Variants in GPC6 observed in about 807,000 individuals in gnomAD.
GPC6 encodes the protein glypican-6.
Under a neutral mutation model 55.2 loss-of-function variants are expected in GPC6, and 14 were observed. That is an observed-to-expected ratio of 0.25 (90% CI 0.17 to 0.40). The LOEUF is 0.40. Ranked by LOEUF, GPC6 falls within the 10% of genes least tolerant of loss-of-function variation. The pLI is 1.00. For missense variants in GPC6, 641 were observed against 708.5 expected, an observed-to-expected ratio of 0.90 and a Z score of 1.08; for synonymous variants, 278 against 259.6, an observed-to-expected ratio of 1.07 and a Z score of -0.68.
At chr13:93,246,100 C>T (rs2139021670) in intron 1 of GPC6, among the ~76,000 whole-genome samples, 1 of 152,302 alleles carries the variant, frequency 6.6e-6, no homozygotes, top group East Asian at 1.9e-4. Flanking sequence ...CCAACCTCCT[C>T]CTTGAGCTGT....
At chr13:94,011,827 T>C (rs906198959) in intron 3 of GPC6, among the ~76,000 whole-genome samples, 3 of 152,168 alleles carry the variant, frequency 2.0e-5, no homozygotes, top group African/African-American at 7.2e-5. Context: ...CTGCTGTGGA[T>C]CTTGCTCCCT....
intron 1 of GPC6, among the ~76,000 whole-genome samples, chr13:93,345,344 A>T (rs1267142363): frequency 2.0e-5 from 3 of 152,126 alleles, no homozygotes; most frequent in South Asian, 4.1e-4. Context: ...CCTGGCATGT[A>T]TACTTGTTAC....
At chr13:93,853,173 A>G (rs1239596337) in intron 3 of GPC6, among the ~76,000 whole-genome samples, 1 of 151,634 alleles carries the variant, frequency 6.6e-6, no homozygotes, top group Non-Finnish European at 1.5e-5. Context: ...GGTGGGGATA[A>G]TTTTAAAAAT....
intron 6 of GPC6, among the ~76,000 whole-genome samples, chr13:94,340,077 C>A (rs1877953788): frequency 6.6e-6 from 1 of 152,040 alleles, no homozygotes; most frequent in Admixed American, 6.6e-5. Flanking sequence ...TCTAAGTTTG[C>A]TTAAAGATAT....
chr13:93,765,833 A>T, intron 2 of GPC6, among the ~76,000 whole-genome samples: 1 of 152,268 alleles, frequency 6.6e-6, no homozygotes, highest in East Asian at 1.9e-4. Context: ...CTCCAAGAAT[A>T]ACATGGAGCT....
intron 2 of GPC6, among the ~76,000 whole-genome samples, chr13:93,712,296 G>T (rs559678563): frequency 6.6e-6 from 1 of 151,834 alleles, no homozygotes; most frequent in African/African-American, 2.4e-5. Flanking sequence ...GAGAAGATAT[G>T]TCCTTTCAGA....
At position 94,354,904 on chromosome 13, in the gene GPC6, T is replaced by C. The variant is rs539430511; in HGVS notation, c.1153-27510T>C. Among the ~76,000 whole-genome samples the C allele has an allele frequency of 2.0e-3, 299 of 152,272 alleles. 3 individuals carry two copies. Among genetic ancestry groups the C allele is most frequent in the African/African-American group, 6.9e-3 (288 of 41,554 alleles). On this transcript the variant is annotated intron_variant, in intron 6 of 8. Transcript: ENST00000377047. ...ATCATGATGAAGACAAGGATGGAAG[T>C]GGAGAGAGAATTTTAAAACCAGGAG...
rs113099421 is a variant in GPC6, at chr13:93,375,639, C to T, written c.160+148023C>T. Among the ~76,000 whole-genome samples, 526 of 152,336 alleles carry T rather than the reference C, an allele frequency of 3.5e-3. 4 individuals carry two copies. Among genetic ancestry groups the T allele is most frequent in the African/African-American group, 0.012 (507 of 41,580 alleles). On this transcript the variant is annotated intron_variant, in intron 1 of 8. Coordinates refer to ENST00000377047, the MANE Select transcript of GPC6 (RefSeq NM_005708.5). ...ATGGTAGCAACTTCAGAGGGCCCTT[C>T]GCCCAGTGGCCATTCTGGCTGGACA...
intron 5 of GPC6, among the ~76,000 whole-genome samples, chr13:94,303,531 T>C (rs936336670): frequency 6.6e-6 from 1 of 152,148 alleles, no homozygotes; most frequent in Non-Finnish European, 1.5e-5. Flanking sequence ...GATCTCTGTT[T>C]AGGGGCTTTC....
intron 2 of GPC6, among the ~76,000 whole-genome samples, chr13:93,671,082 A>G (rs1881338981): frequency 6.6e-6 from 1 of 152,184 alleles, no homozygotes; most frequent in African/African-American, 2.4e-5. Context: ...TACCTACAGC[A>G]GCATTTGCCA....
At chr13:93,963,422 G>A (rs1019683680) in intron 3 of GPC6, among the ~76,000 whole-genome samples, 1 of 152,200 alleles carries the variant, frequency 6.6e-6, no homozygotes, top group African/African-American at 2.4e-5. Context: ...CAGAGGTGAT[G>A]CAAACATCTT....
chr13:94,069,657 G>A lies in GPC6; in HGVS notation c.877+41763G>A, dbSNP rs142726722. Reference sequence around the variant, plus strand: ...CTTAGATATTTCTTCTGCCAGATACGCTAAGTCTTCTCTCTCAAGTTCAAA... The same window carrying A: ...CTTAGATATTTCTTCTGCCAGATACACTAAGTCTTCTCTCTCAAGTTCAAA... On this transcript the variant is annotated intron_variant, in intron 4 of 8. Transcript: ENST00000377047. Among the ~76,000 whole-genome samples, 143 of 152,170 alleles carry A rather than the reference G, an allele frequency of 9.4e-4. 1 individual carries two copies. The highest frequency in any genetic ancestry group is 3.0e-3 in the African/African-American group (124 of 41,512).
intron 2 of GPC6, among the ~76,000 whole-genome samples, chr13:93,774,512 CTAATGACACACT>C (rs966167772): frequency 6.6e-6 from 1 of 152,174 alleles, no homozygotes; most frequent in Non-Finnish European, 1.5e-5. Flanking sequence ...ATCCTAGACA[CTAATGACACACT>C]TAATGACAGA....
intron 2 of GPC6, among the ~76,000 whole-genome samples, chr13:93,642,993 G>A (rs569059237): frequency 7.9e-5 from 12 of 152,176 alleles, no homozygotes; most frequent in African/African-American, 1.4e-4. Flanking sequence ...AAGATAAAAC[G>A]TGTTTTCATT....
chr13:93,248,372 T>G (rs756410495), intron 1 of GPC6, among the ~76,000 whole-genome samples: 8 of 149,196 alleles, frequency 5.4e-5, no homozygotes, highest in African/African-American at 7.5e-5. Flanking sequence ...TTCAAAAGTA[T>G]GATCTTATGT....
intron 7 of GPC6, among the ~76,000 whole-genome samples, chr13:94,389,605 T>C (rs534901537): frequency 1.3e-5 from 2 of 152,140 alleles, no homozygotes; most frequent in Non-Finnish European, 2.9e-5. Context: ...TGTTTTCTCT[T>C]CACGCAGACC....
chr13:93,502,857 C>A (rs984926343), intron 1 of GPC6, among the ~76,000 whole-genome samples: 1 of 151,804 alleles, frequency 6.6e-6, no homozygotes, highest in Non-Finnish European at 1.5e-5. Flanking sequence ...GGAAGGGCTG[C>A]GTGTAGCACA....
chr13:93,844,195 A>G (rs1469380763), intron 3 of GPC6, among the ~76,000 whole-genome samples: 1 of 151,992 alleles, frequency 6.6e-6, no homozygotes, highest in Non-Finnish European at 1.5e-5. Flanking sequence ...CTGGAGTGCA[A>G]TGCCACGATC....
intron 1 of GPC6, among the ~76,000 whole-genome samples, chr13:93,382,595 T>C (rs1399033646): frequency 6.6e-6 from 1 of 152,168 alleles, no homozygotes; most frequent in Non-Finnish European, 1.5e-5. Flanking sequence ...AAATATCTGA[T>C]TTGTGAATCC....
Sources: allele counts gnomAD v4.1 joint callset (sites outside exome capture counted in the v4.1 genomes callset), GRCh38; gene constraint gnomAD v4.1.1; transcripts MANE v1.5; gene names NCBI Gene and HGNC (gene_info 2026-07-23, HGNC 2026-07-21).